The following RAB33A variants were observed in gnomAD, a reference collection of about 807,000 sequenced individuals.
The protein encoded by RAB33A is ras-related protein Rab-33A.
A neutral mutation model predicts 12.0 loss-of-function variants in RAB33A; 6 were observed. The observed-to-expected ratio is 0.50, with a 90% CI of 0.27 to 0.99. The LOEUF is 0.99. Ranked by LOEUF, RAB33A falls within the 50% of genes least tolerant of loss-of-function variation. The probability of loss-of-function intolerance (pLI) is 0.11; values close to 1 mark genes in which losing one functional copy is unlikely to be tolerated. For missense variants in RAB33A, 109 were observed against 192.0 expected, an observed-to-expected ratio of 0.57 and a Z score of 2.55; for synonymous variants, 70 against 82.4, an observed-to-expected ratio of 0.85 and a Z score of 0.81.
intron 1 of RAB33A, among the ~76,000 whole-genome samples, chrX:130,178,329 G>A (rs1273242590): frequency 9.4e-6 from 1 of 106,895 alleles, no homozygotes; most frequent in African/African-American, 3.4e-5. Flanking sequence ...AAAAGAGAGA[G>A]AGAGAGAGAG....
chrX:130,129,854 C>A, the RAB33A span: 1 of 956,279 alleles, frequency 1.0e-6, no homozygotes, highest in South Asian at 2.0e-5. Context: ...TTGTTCTGCT[C>A]AGGCACAATT....
the RAB33A span, among the ~76,000 whole-genome samples, chrX:130,143,939 C>T: frequency 9.0e-6 from 1 of 111,625 alleles, no homozygotes; most frequent in Non-Finnish European, 1.9e-5. Context: ...GTGGCTCAGA[C>T]AGACCCGGGC....
the RAB33A span, among the ~76,000 whole-genome samples, chrX:130,144,165 C>T: frequency 9.0e-6 from 1 of 111,344 alleles, no homozygotes; most frequent in African/African-American, 3.3e-5. Context: ...TTACCTCTTA[C>T]TTTCTTCTTC....
At chrX:130,156,465 G>T in the RAB33A span, 1 of 1,209,495 alleles carries the variant, frequency 8.3e-7, no homozygotes, top group Non-Finnish European at 1.1e-6. Context: ...ACTTACATAG[G>T]CACCAGCTCC....
At chrX:130,138,451 C>T in the RAB33A span, 10 of 488,797 alleles carry the variant, frequency 2.0e-5, no homozygotes, top group East Asian at 7.7e-5. Context: ...GGTGACAGAG[C>T]GAGACTCCAT....
At chrX:130,181,215 A>G (rs900349154) in intron 1 of RAB33A, among the ~76,000 whole-genome samples, 1 of 109,954 alleles carries the variant, frequency 9.1e-6, no homozygotes, top group Non-Finnish European at 1.9e-5. Flanking sequence ...AGCTGTGTCA[A>G]TAGAGGGAGA....
At chrX:130,152,657 GC>G in the RAB33A span, among the ~76,000 whole-genome samples, 9 of 112,007 alleles carry the variant, frequency 8.0e-5, no homozygotes, top group Non-Finnish European at 5.6e-5. Context: ...CTTTGGCTCT[GC>G]CCACCAACAA....
the RAB33A span, among the ~76,000 whole-genome samples, chrX:130,151,202 G>A: frequency 2.8e-5 from 3 of 107,557 alleles, no homozygotes; most frequent in Non-Finnish European, 5.8e-5. Context: ...GTGCAGTGGC[G>A]TGATCTCGGC....
chrX:130,124,541 T>C, the RAB33A span, among the ~76,000 whole-genome samples: 2 of 111,431 alleles, frequency 1.8e-5, no homozygotes, highest in Non-Finnish European at 3.8e-5. Flanking sequence ...CTAGGTAAGG[T>C]CTTCAGAAAG....
At chrX:130,114,204 T>C in the RAB33A span, among the ~76,000 whole-genome samples, 6 of 112,120 alleles carry the variant, frequency 5.4e-5, no homozygotes, top group Non-Finnish European at 1.1e-4. Context: ...CAGCTCATGG[T>C]GACTGGCCCT....
the RAB33A span, among the ~76,000 whole-genome samples, chrX:130,146,451 A>ATATGTGTGTGTG: frequency 1.1e-5 from 1 of 89,435 alleles, no homozygotes; most frequent in African/African-American, 4.2e-5. Context: ...CTCTCAAAAT[A>ATATGTGTGTGTG]TGTGTGTGTG....
chrX:130,117,432 C>T, the RAB33A span, among the ~76,000 whole-genome samples: 306 of 111,545 alleles, frequency 2.7e-3, no homozygotes, highest in African/African-American at 9.4e-3. Context: ...GGAGGCACTA[C>T]CCCCCAACCC....
chrX:130,138,824 A>G, the RAB33A span: 2 of 511,861 alleles, frequency 3.9e-6, no homozygotes, highest in Admixed American at 5.8e-5. Flanking sequence ...AAGTGACTCA[A>G]TTATAACTTC....
chrX:130,140,372 G>T, the RAB33A span, among the ~76,000 whole-genome samples: 1 of 112,253 alleles, frequency 8.9e-6, no homozygotes, highest in South Asian at 3.7e-4. Flanking sequence ...GGTGATCCAG[G>T]ATGCTTTGAC....
chrX:130,158,738 A>G, the RAB33A span, among the ~76,000 whole-genome samples: 1 of 109,673 alleles, frequency 9.1e-6, no homozygotes, highest in East Asian at 2.9e-4. Flanking sequence ...AAAAATCGCA[A>G]AAAAATCTCA....
At chrX:130,127,036 G>GGTGTGT in the RAB33A span, among the ~76,000 whole-genome samples, 1,373 of 105,975 alleles carry the variant, frequency 0.013, 18 homozygotes, top group African/African-American at 0.045. Context: ...CAATAAACCA[G>GGTGTGT]GTGTGTGTGT....
At chrX:130,146,246 TG>T in the RAB33A span, among the ~76,000 whole-genome samples, 1 of 111,169 alleles carries the variant, frequency 9.0e-6, no homozygotes, top group Admixed American at 9.6e-5. Context: ...GAGACCAGAT[TG>T]GGCAACATAG....
At chrX:130,110,810 C>G in the RAB33A span, 1 of 105,848 alleles carries the variant, frequency 9.4e-6, no homozygotes, top group African/African-American at 3.4e-5. Flanking sequence ...CGGGCCAAGA[C>G]ACGGGGCGGC....
At chrX:130,160,004 T>G in the RAB33A span, among the ~76,000 whole-genome samples, 2 of 110,529 alleles carry the variant, frequency 1.8e-5, no homozygotes, top group Non-Finnish European at 3.8e-5. Flanking sequence ...CTATTTTTTG[T>G]AGATACGAGG....
Sources: allele counts gnomAD v4.1 joint callset (sites outside exome capture counted in the v4.1 genomes callset), GRCh38; gene constraint gnomAD v4.1.1; transcripts MANE v1.5; gene names NCBI Gene and HGNC (gene_info 2026-07-23, HGNC 2026-07-21).